Variants in TSPOAP1 observed in about 807,000 individuals in gnomAD.
TSPOAP1 encodes the protein peripheral-type benzodiazepine receptor-associated protein 1.
In TSPOAP1, 87 loss-of-function variants were observed where a neutral mutation model predicts 197.0. That is an observed-to-expected ratio of 0.44 (90% CI 0.37 to 0.53). The LOEUF (loss-of-function observed/expected upper bound fraction) is 0.53. Ranked by LOEUF, TSPOAP1 falls within the 20% of genes least tolerant of loss-of-function variation. The pLI, the probability that TSPOAP1 is intolerant of heterozygous loss-of-function variation, is 0.00. For missense variants in TSPOAP1, 2,174 were observed against 2,411.3 expected (o/e 0.90, Z 2.06); for synonymous variants, 913 against 998.9 (o/e 0.91, Z 1.62).
At chr17:58,306,488 T>C in intron 25 of TSPOAP1, 75 bp from the exon 26 acceptor site, 1 of 1,353,612 alleles carries the variant, frequency 7.4e-7, no homozygotes, top group Admixed American at 2.1e-5. Context: ...GAGTTTCCTC[T>C]CAGGGCCGTG....
chr17:58,311,166 C>T lies in TSPOAP1; in HGVS notation c.3129G>A (p.Leu1043=), dbSNP rs1421557901. 1 of 1,611,538 alleles carries T rather than the reference C, an allele frequency of 6.2e-7. No homozygotes were observed. The highest frequency in any genetic ancestry group is 1.3e-5 in the African/African-American group (1 of 74,910). ...ACACCTGCAGCAGCTGCAGCTGGGA[C>T]AACTCCACCAGTACACTGCCTGCCG... The part of the protein sequence containing the change: ...SPTAGSVLVE[L]SQLQLLQVCR... Residue 1043 remains leucine, a synonymous_variant, in exon 19 of 32, where the codon TTG becomes TTA. Transcript: ENST00000343736.
chr17:58,326,480 A>C lies in TSPOAP1; in HGVS notation c.442-59T>G. On this transcript the variant is annotated intron_variant, in intron 2 of 31. Transcript: ENST00000343736. The surrounding 1 kb of genome is among the most constrained non-coding windows in gnomAD (Gnocchi z 4.7). ...GGGAGCACCCCACAGACCCAGTCCT[A>C]ACAGCCCAAGTCTTGGGCTAGAGCC... 6.3e-7 allele frequency: 1 copy of C among 1,599,044 alleles called. No homozygotes were observed. Among genetic ancestry groups the C allele is most frequent in the East Asian group, 2.2e-5 (1 of 44,746 alleles).
intron 31 of TSPOAP1, chr17:58,303,974 T>TA (rs1970792808): frequency 5.6e-6 from 1 of 178,646 alleles, no homozygotes; most frequent in Non-Finnish European, 1.2e-5. Flanking sequence ...TATGATATTA[T>TA]AATACCATAG....
intron 12 of TSPOAP1, among the ~76,000 whole-genome samples, 197 bp downstream of exon 12, chr17:58,319,912 C>T (rs1971353203): frequency 6.6e-6 from 1 of 151,792 alleles, no homozygotes; most frequent in South Asian, 2.1e-4. Context: ...CAGTGTCTGA[C>T]AGACACGGCG....
rs1970737952 is a variant in TSPOAP1, at chr17:58,302,205, C to A, written c.*275G>T. 3.2e-6 allele frequency: 4 copies of A among 1,269,522 alleles called. No homozygotes were observed. Among genetic ancestry groups the A allele is most frequent in the Non-Finnish European group, 4.1e-6 (4 of 976,418 alleles). 78.6% of individuals were successfully genotyped at this position (1,269,522 alleles called of 1,614,324 possible). Reference sequence around the variant, plus strand: ...GGGCCCAGTCTGAGCCTTCCCTGCTCAGCAGAGACAGTGATCTGGGGGCCT... The same window carrying A: ...GGGCCCAGTCTGAGCCTTCCCTGCTAAGCAGAGACAGTGATCTGGGGGCCT... On this transcript the variant is annotated 3_prime_UTR_variant, in exon 32 of 32. Transcript: ENST00000343736.
chr17:58,311,352 G>A, intron 18 of TSPOAP1, 139 bp from the exon 19 acceptor site: 1 of 1,321,624 alleles, frequency 7.6e-7, no homozygotes, highest in Non-Finnish European at 1.0e-6. Flanking sequence ...CCTCTGCATG[G>A]CCTATCTCAT....
In TSPOAP1 at chr17:58,310,622, C is replaced by T. The variant is rs749305811; in HGVS notation, c.3589G>A (p.Glu1197Lys). ...AKQEAEWTAG[E>K]ACPASSSTQG... ...GTGGAGCTGGAGGCCGGACAGGCCT[C>T]TCCTGCAGTCCACTCGGCCTCCTGC... Residue 1197 changes from glutamate to lysine, a missense_variant, in exon 20 of 32, where the codon GAG becomes AAG. Around this residue, in one of 5 missense-constraint regions of TSPOAP1, gnomAD observed 1,933 missense variants for 2,139.0 expected, o/e 0.90. Coordinates refer to ENST00000343736, the MANE Select transcript of TSPOAP1 (RefSeq NM_004758.4). 1 of 1,613,192 alleles carries T rather than the reference C, an allele frequency of 6.2e-7. No homozygotes were observed. Among genetic ancestry groups the T allele is most frequent in the Non-Finnish European group, 8.5e-7 (1 of 1,180,028 alleles).
In TSPOAP1 at chr17:58,311,066, C is replaced by A. The variant is rs771741785; in HGVS notation, c.3229G>T (p.Ala1077Ser). ...ADSIPAPITP[A>S]LAPASLPARV... ...GCTGGCAGGCTGGCCGGAGCCAGGG[C>A]GGGAGTGATAGGAGCCGGGATGGAG... Residue 1077 changes from alanine to serine, a missense_variant, in exon 19 of 32, where the codon GCC becomes TCC. Ala to Ser is a moderately conservative substitution (Grantham distance 99). Around this residue, in one of 5 missense-constraint regions of TSPOAP1, gnomAD observed 1,933 missense variants for 2,139.0 expected, o/e 0.90. Coordinates refer to ENST00000343736, the MANE Select transcript of TSPOAP1 (RefSeq NM_004758.4). 1.9e-6 allele frequency: 3 copies of A among 1,579,250 alleles called. No homozygotes were observed. The highest frequency in any genetic ancestry group is 1.7e-4 in the Middle Eastern group (1 of 5,838).
Position 58,310,512 on chromosome 17 carries a change from C to A in TSPOAP1, c.3699G>T (p.Glu1233Asp). ...ACACAGTGTGTCCCCAAACCCCTAC[C>A]TCAGCCCTGGGCCTCAGCCCAGACC... ...DPGSGLRPRA[E>D]KEDTAELGVH... is the part of the protein sequence containing the mutation. Residue 1233 changes from glutamate to aspartate, a missense_variant and splice_region_variant, in exon 20 of 32, where the codon GAG (glutamate) becomes GAT (aspartate). This residue lies in a region of TSPOAP1 where 1,933 missense variants were observed against 2,139.0 expected (regional missense o/e 0.90). Coordinates refer to ENST00000343736, the MANE Select transcript of TSPOAP1 (RefSeq NM_004758.4). 1 of 1,613,010 alleles carries A rather than the reference C, an allele frequency of 6.2e-7. No homozygotes were observed. The highest frequency in any genetic ancestry group is 1.1e-5 in the South Asian group (1 of 91,038).
In TSPOAP1 at chr17:58,324,303, C is replaced by T. The variant is rs948696469; in HGVS notation, c.942+508G>A. ...TAAGTTCTGGGGGTCCTAAGCGGGTCCCTGGCCCTCGAGACAGGGGCTGCC... is the reference window on the plus strand; with the variant it reads ...TAAGTTCTGGGGGTCCTAAGCGGGTTCCTGGCCCTCGAGACAGGGGCTGCC... On this transcript the variant is annotated intron_variant, in intron 5 of 31. Transcript: ENST00000343736. This position sits in a 1 kb window ranked among gnomAD's most constrained non-coding sequence, Gnocchi z 5.8. Among the ~76,000 whole-genome samples, 4 of 152,172 alleles carry T rather than the reference C, an allele frequency of 2.6e-5. No homozygotes were observed. Among genetic ancestry groups the T allele is most frequent in the Non-Finnish European group, 5.9e-5 (4 of 67,990 alleles).
intron 10 of TSPOAP1, among the ~76,000 whole-genome samples, chr17:58,321,250 G>A (rs1016372103): frequency 1.3e-5 from 2 of 151,670 alleles, no homozygotes; most frequent in Admixed American, 6.6e-5. Flanking sequence ...ACAGCAAATG[G>A]CTGTCAGAGA....
chr17:58,319,922 G>A (rs1000582381), intron 12 of TSPOAP1, among the ~76,000 whole-genome samples, 187 bp downstream of exon 12: 1 of 150,246 alleles, frequency 6.7e-6, no homozygotes, highest in East Asian at 1.9e-4. Context: ...CAGACACGGC[G>A]GCAGGCCTGG....
chr17:58,305,753 G>A (rs72839984), intron 27 of TSPOAP1, 80 bp downstream of exon 27: 55,115 of 1,554,994 alleles, frequency 0.035, 1,189 homozygotes, highest in Middle Eastern at 0.11. Flanking sequence ...CCCACTAGCT[G>A]TAGCCAATGG....
rs1598063964 is a variant in TSPOAP1, at chr17:58,311,966, T to G, written c.2855A>C (p.Gln952Pro). 1 of 1,606,388 alleles carries G rather than the reference T, an allele frequency of 6.2e-7. No individual in the cohort carries two copies. Among genetic ancestry groups the G allele is most frequent in the South Asian group, 1.1e-5 (1 of 90,200 alleles). The change falls in exon 17 of 32, where the codon CAA becomes CCA. Residue 952 changes from glutamine (Q) to proline (P), a missense_variant. By Grantham distance (76) the Gln-to-Pro change is moderately conservative. Transcript: ENST00000343736. ...CTCCCAGCCTGGTTCCCAGGGCCCT[T>G]GGGGTGGGAGCTGAGCCTCCACTTG... is the stretch of plus-strand genomic sequence containing the variant. ...QAQVEAQLPP[Q>P]GPWEPGWERL...
chr17:58,322,201 TC>T lies in TSPOAP1; in HGVS notation c.1422+106del. On this transcript the variant is annotated intron_variant, in intron 10 of 31. Transcript: ENST00000343736. The surrounding 1 kb of genome is among the most constrained non-coding windows in gnomAD (Gnocchi z 5.0). ...GACCTGGTCTTTGTTCCCCACAGTCTCCCCGACGCCTAGCACAGTGCCGGGC... is the reference window on the plus strand; with the variant it reads ...GACCTGGTCTTTGTTCCCCACAGTCTCCCGACGCCTAGCACAGTGCCGGGC... 2.6e-6 allele frequency: 3 copies of T among 1,136,468 alleles called. No individual in the cohort carries two copies. In the South Asian group the frequency reaches 4.3e-5, roughly 16 times the overall value. 70.4% of individuals were successfully genotyped at this position (1,136,468 alleles called of 1,614,324 possible). A position where few individuals can be genotyped will look rare whatever the true frequency, so the allele number is the denominator to read the frequency against.
chr17:58,322,606 C>T lies in TSPOAP1; in HGVS notation c.1317+48G>A, dbSNP rs200031143. Reference sequence around the variant, plus strand: ...AGAATATTCTGCTGTCCCACTTGCTCCCCATGCCAGGGCCCAGCACCCTCT... The same window carrying T: ...AGAATATTCTGCTGTCCCACTTGCTTCCCATGCCAGGGCCCAGCACCCTCT... On this transcript the variant is annotated intron_variant, in intron 9 of 31. Coordinates refer to ENST00000343736, the MANE Select transcript of TSPOAP1 (RefSeq NM_004758.4). The surrounding 1 kb of genome is among the most constrained non-coding windows in gnomAD (Gnocchi z 5.0). 3 of 1,599,512 alleles carry T rather than the reference C, an allele frequency of 1.9e-6. No homozygotes were observed. The Admixed American group carries it at 5.0e-5, about 27-fold the overall frequency.
chr17:58,326,609 A>G lies in TSPOAP1; in HGVS notation c.441+74T>C. ...TGAGCCCCCACTTGGAAAGATGTTC[A>G]TGGGGTGAGGAGGGCACTGAGGCAG... On this transcript the variant is annotated intron_variant, in intron 2 of 31. Transcript: ENST00000343736. The surrounding 1 kb of genome is among the most constrained non-coding windows in gnomAD (Gnocchi z 4.7). 1 of 1,557,786 alleles carries G rather than the reference A, an allele frequency of 6.4e-7. No individual in the cohort carries two copies. Among genetic ancestry groups the G allele is most frequent in the African/African-American group, 1.4e-5 (1 of 73,654 alleles).
At chr17:58,318,198 A>G in intron 14 of TSPOAP1, 82 bp downstream of exon 14, 1 of 1,475,018 alleles carries the variant, frequency 6.8e-7, no homozygotes, top group African/African-American at 1.4e-5. Context: ...ACTCCTGGGG[A>G]CCCCAGAAGA....
chr17:58,301,575 G>A lies in TSPOAP1; in HGVS notation c.*905C>T, dbSNP rs931891675. 2.6e-5 allele frequency: 4 copies of A among 152,656 alleles called. No individual in the cohort carries two copies. The highest frequency in any genetic ancestry group is 9.7e-5 in the African/African-American group (4 of 41,444). 9.5% of individuals were successfully genotyped at this position (152,656 alleles called of 1,614,324 possible). ...ATAAGGCAAACCCAACTCCGCTTTCGGCCCCGCTGGCCCCAGGGTCTTTGG... is the reference window on the plus strand; with the variant it reads ...ATAAGGCAAACCCAACTCCGCTTTCAGCCCCGCTGGCCCCAGGGTCTTTGG... On this transcript the variant is annotated 3_prime_UTR_variant, in exon 32 of 32. Coordinates refer to ENST00000343736, the MANE Select transcript of TSPOAP1 (RefSeq NM_004758.4).
Sources: gnomAD v4.1 joint callset for allele counts (sites outside exome capture counted in the v4.1 genomes callset) on GRCh38, gnomAD v4.1.1 for gene constraint, gnomAD v4.1.1 regional missense constraint, Gnocchi (gnomAD v3.1) non-coding constraint, MANE v1.5 for transcripts, NCBI Gene and HGNC (gene_info 2026-07-23, HGNC 2026-07-21) for gene names.